Variants in COG5 observed in about 807,000 individuals in gnomAD.
COG5 encodes conserved oligomeric Golgi complex subunit 5.
A neutral mutation model predicts 110.4 loss-of-function variants in COG5; 86 were observed. That is an observed-to-expected ratio of 0.78 (90% CI 0.65 to 0.93). COG5 has a LOEUF of 0.93. Among genes scored for constraint, COG5 ranks in the 40% least tolerant of loss-of-function variants. COG5 has a pLI of 0.00. For missense variants in COG5, 1,077 were observed against 987.0 expected (o/e 1.09, Z -1.22); for synonymous variants, 360 against 334.6 (o/e 1.08, Z -0.83).
chr7:107,288,923 T>C (rs1357967247), intron 12 of COG5, among the ~76,000 whole-genome samples: 4 of 31,320 alleles, frequency 1.3e-4, no homozygotes, highest in African/African-American at 5.0e-4. Context: ...TATATATATA[T>C]ATATATATAT....
chr7:107,245,163 C>T (rs1287499979), intron 17 of COG5, among the ~76,000 whole-genome samples: 1 of 152,182 alleles, frequency 6.6e-6, no homozygotes, highest in African/African-American at 2.4e-5. Context: ...AAATTTAACA[C>T]TTCTTCATGT....
At chr7:107,325,133 AAT>A (rs1039708241) in intron 10 of COG5, among the ~76,000 whole-genome samples, 15 of 152,350 alleles carry the variant, frequency 9.8e-5, no homozygotes, top group African/African-American at 3.4e-4. Flanking sequence ...TTCAACTTTG[AAT>A]ATATGTTTTA....
At chr7:107,314,968 G>A (rs1240145194) in intron 11 of COG5, among the ~76,000 whole-genome samples, 2 of 152,082 alleles carry the variant, frequency 1.3e-5, no homozygotes, top group African/African-American at 4.8e-5. Context: ...TTGTGTTACA[G>A]TGTTAGGATG....
At chr7:107,304,179 C>G (rs926480960) in intron 11 of COG5, among the ~76,000 whole-genome samples, 1 of 152,164 alleles carries the variant, frequency 6.6e-6, no homozygotes, top group Non-Finnish European at 1.5e-5. Context: ...AGAACCCCCA[C>G]AGTTTCCAAA....
At chr7:107,424,568 G>C (rs7806161) in intron 6 of COG5, among the ~76,000 whole-genome samples, 8,939 of 151,206 alleles carry the variant, frequency 0.059, 356 homozygotes, top group Non-Finnish European at 0.082. Context: ...GAGCTATGGG[G>C]TTTATTCAAC....
At chr7:107,559,066 A>G (rs1803570773) in intron 1 of COG5, among the ~76,000 whole-genome samples, 1 of 152,012 alleles carries the variant, frequency 6.6e-6, no homozygotes, top group Non-Finnish European at 1.5e-5. Context: ...TCTCTAGATC[A>G]ATACACAAAT....
At position 107,362,036 on chromosome 7, in the gene COG5, A is replaced by G. The variant is rs1410433193; in HGVS notation, c.1023T>C (p.Val341=). 6.3e-7 allele frequency: 1 copy of G among 1,591,816 alleles called. No individual in the cohort carries two copies. ...AAATATTTTCCTTTAAACATACCTT[A>G]ACTATTTCTTCAATGAAACAAATGT... ...VSHICFIEEI[V]KDGQPEIFYT... The change falls in exon 10 of 22, where the codon GTT becomes GTC. Residue 341 remains valine (V), a synonymous_variant. Transcript: ENST00000297135.
Position 107,557,994 on chromosome 7 carries a change from G to A in COG5, c.216C>T (p.Asp72=), listed in dbSNP as rs143972347. The A allele has an allele frequency of 6.8e-6, 11 of 1,613,938 alleles. No homozygotes were observed. Among genetic ancestry groups the A allele is most frequent in the African/African-American group, 6.7e-5 (5 of 74,922 alleles). The stretch of plus-strand genomic sequence containing the variant: ...GAATTACCTGTAAGTGTAGTTCTCT[G>A]TCCAACTGACTGATTCCTTGGGCAA... ...AKLAQGISQL[D]RELHLQVVAR... Residue 72 remains aspartate, a synonymous_variant, in exon 2 of 22, where the codon GAC becomes GAT. Transcript: ENST00000297135.
Position 107,210,531 on chromosome 7 carries a change from G to A in COG5, c.2370C>T (p.Leu790=), listed in dbSNP as rs1233881593. 4 of 1,597,266 alleles carry A rather than the reference G, an allele frequency of 2.5e-6. No homozygotes were observed. The highest frequency in any genetic ancestry group is 2.7e-5 in the African/African-American group (2 of 74,826). Residue 790 remains leucine (L), a synonymous_variant, in exon 21 of 22, where the codon CTC becomes CTT. Transcript: ENST00000297135. ...CCCAGAGCACCTGGCTTTACCTGAT[G>A]AGGAGGAGCCTGTCCTTTTCAGATG... ...DHPSEKDRLL[L]IRGALEAYVQ...
Position 107,230,638 on chromosome 7 carries a change from G to A in COG5, c.2145C>T (p.Ser715=). ...FCRRVSDLGK[S]YRMLRSFRPL... ...ACCTGAATGATCTCAGCATCCGATA[G>A]GACTTTCCTAAATCAGATACTCGTC... The change falls in exon 19 of 22, where the codon TCC becomes TCT. Residue 715 remains serine, a synonymous_variant. Coordinates refer to ENST00000297135, the MANE Select transcript of COG5 (RefSeq NM_006348.5). The A allele has an allele frequency of 1.2e-6, 2 of 1,613,100 alleles. No individual in the cohort carries two copies. Among genetic ancestry groups the A allele is most frequent in the South Asian group, 2.2e-5 (2 of 91,064 alleles).
At chr7:107,561,418 C>T (rs577032097) in intron 1 of COG5, among the ~76,000 whole-genome samples, 2 of 152,242 alleles carry the variant, frequency 1.3e-5, no homozygotes, top group Admixed American at 1.3e-4. Flanking sequence ...CAAGTATCTA[C>T]AGGAACCTGG....
chr7:107,301,313 G>A (rs997943470), intron 11 of COG5, among the ~76,000 whole-genome samples: 1 of 151,960 alleles, frequency 6.6e-6, no homozygotes, highest in African/African-American at 2.4e-5. Flanking sequence ...CTAAGAAAAT[G>A]AAAATACACG....
chr7:107,277,883 T>C (rs1322437164), intron 14 of COG5, among the ~76,000 whole-genome samples: 1 of 152,156 alleles, frequency 6.6e-6, no homozygotes, highest in African/African-American at 2.4e-5. Context: ...TACGTAATCA[T>C]AAAAATAATT....
intron 6 of COG5, among the ~76,000 whole-genome samples, chr7:107,522,195 G>A (rs1242531277): frequency 1.3e-5 from 2 of 152,130 alleles, no homozygotes; most frequent in Non-Finnish European, 2.9e-5. Flanking sequence ...TAGGCCAGGC[G>A]CAGTGGCTCA....
intron 11 of COG5, among the ~76,000 whole-genome samples, chr7:107,306,561 A>G (rs1807732569): frequency 6.6e-6 from 1 of 152,208 alleles, no homozygotes; most frequent in African/African-American, 2.4e-5. Context: ...ATATCTGTCT[A>G]TAGCCCTAAG....
At chr7:107,207,770 G>C (rs986997218) in intron 21 of COG5, 3 of 985,270 alleles carry the variant, frequency 3.0e-6, no homozygotes, top group African/African-American at 1.7e-5. Context: ...TTATTACTCT[G>C]ATTTTCAAAT....
At chr7:107,244,324 A>G (rs1267472443) in intron 17 of COG5, among the ~76,000 whole-genome samples, 2 of 152,218 alleles carry the variant, frequency 1.3e-5, no homozygotes, top group African/African-American at 4.8e-5. Context: ...GACACAGCTA[A>G]GGCACTGTTA....
chr7:107,378,042 GC>G (rs1014837144), intron 7 of COG5, among the ~76,000 whole-genome samples: 1 of 152,198 alleles, frequency 6.6e-6, no homozygotes, highest in Non-Finnish European at 1.5e-5. Flanking sequence ...TCTGGCAGGT[GC>G]CCCTCTGGGA....
chr7:107,209,764 G>T, intron 21 of COG5: 1 of 956,884 alleles, frequency 1.0e-6, no homozygotes, highest in Non-Finnish European at 1.2e-6. Context: ...CTACCATGCT[G>T]ATAAAATGTG....
Sources: allele counts gnomAD v4.1 joint callset (sites outside exome capture counted in the v4.1 genomes callset), GRCh38; gene constraint gnomAD v4.1.1; transcripts MANE v1.5; gene names NCBI Gene and HGNC (gene_info 2026-07-23, HGNC 2026-07-21).